The following FMN2 variants were observed in gnomAD, a reference collection of about 807,000 sequenced individuals.
FMN2 encodes the protein formin-2.
In FMN2, 51 loss-of-function variants were observed where a neutral mutation model predicts 142.3. The ratio of observed to expected loss-of-function variants is 0.36; its 90% CI spans 0.29 to 0.45. The LOEUF (loss-of-function observed/expected upper bound fraction) is 0.45, where lower values mean the gene tolerates loss of function less well. Ranked by LOEUF, FMN2 falls within the 20% of genes least tolerant of loss-of-function variation. The pLI is 1.00. For missense variants in FMN2, 1,936 were observed against 2,122.8 expected (o/e 0.91, Z 1.73); for synonymous variants, 882 against 869.8 (o/e 1.01, Z -0.25).
intron 2 of FMN2, among the ~76,000 whole-genome samples, chr1:240,148,031 T>TTACA (rs1160054495): frequency 6.6e-5 from 10 of 152,192 alleles, no homozygotes; most frequent in African/African-American, 2.4e-4. Context: ...TTCTCAAGAG[T>TTACA]TACAGCTCTG....
intron 3 of FMN2, chr1:240,180,111 A>G: frequency 8.7e-7 from 1 of 1,144,126 alleles, no homozygotes; most frequent in Admixed American, 2.5e-5. Context: ...GCAAAATGCT[A>G]GAGCAAGTGA....
At chr1:240,269,526 G>T (rs563614597) in intron 7 of FMN2, among the ~76,000 whole-genome samples, 11 of 151,488 alleles carry the variant, frequency 7.3e-5, no homozygotes, top group South Asian at 4.2e-4. Context: ...TGGCTATTTG[G>T]TTTTTTTTGT....
intron 2 of FMN2, among the ~76,000 whole-genome samples, chr1:240,132,661 T>A (rs1159367928): frequency 1.3e-5 from 2 of 151,938 alleles, no homozygotes; most frequent in African/African-American, 4.8e-5. Flanking sequence ...TTTGTCAGGG[T>A]CTGTGATGAG....
rs116014468 is a variant in FMN2, at chr1:240,335,588, C to G, written c.4765+1359C>G. 5.0e-3 allele frequency among the ~76,000 whole-genome samples: 754 copies of G among 152,132 alleles called. 5 individuals are homozygous for G. The highest frequency in any genetic ancestry group is 0.017 in the African/African-American group (712 of 41,498). ...ATACTTCCCACTTCAATCAATAGTT[C>G]AGTCTTGTAAAGTAGGATTTCATAG... On this transcript the variant is annotated intron_variant, in intron 13 of 17. Coordinates refer to ENST00000319653, the MANE Select transcript of FMN2 (RefSeq NM_020066.5).
chr1:240,445,251 A>G (rs535772433), intron 16 of FMN2, among the ~76,000 whole-genome samples: 1 of 152,368 alleles, frequency 6.6e-6, no homozygotes, highest in East Asian at 1.9e-4. Flanking sequence ...ATGCCAGGCA[A>G]CATTCCTGGC....
In FMN2 at chr1:240,208,740, G is replaced by C; in HGVS notation, c.3920+8G>C. The C allele has an allele frequency of 6.2e-7, 1 of 1,600,116 alleles. No homozygotes were observed. The highest frequency in any genetic ancestry group is 8.6e-7 in the Non-Finnish European group (1 of 1,169,584). On this transcript the variant is annotated splice_region_variant and intron_variant, in intron 5 of 17. Coordinates refer to ENST00000319653, the MANE Select transcript of FMN2 (RefSeq NM_020066.5). The stretch of plus-strand genomic sequence containing the variant: ...TCAACTACATAGTAAAAGGTAACAT[G>C]AAAGTGAGCTCGTCTTTGCACAGTG...
intron 14 of FMN2, among the ~76,000 whole-genome samples, chr1:240,367,405 A>T (rs1672707959): frequency 6.6e-6 from 1 of 152,178 alleles, no homozygotes; most frequent in African/African-American, 2.4e-5. Flanking sequence ...TATTGATTTT[A>T]AAAGTTCTTT....
chr1:240,216,394 A>G (rs926995616), intron 6 of FMN2, among the ~76,000 whole-genome samples: 2 of 152,230 alleles, frequency 1.3e-5, no homozygotes, highest in Non-Finnish European at 2.9e-5. Flanking sequence ...TTTAAAAAGT[A>G]CATAACTTGA....
chr1:240,402,012 T>A lies in FMN2; in HGVS notation c.4910+9450T>A, dbSNP rs116745889. ...TTGTTCTTTGCAAAGCTTCTTCAAGTGTGGCTCCTAAGAGGCCTTTCTTGA... is the reference window on the plus strand; with the variant it reads ...TTGTTCTTTGCAAAGCTTCTTCAAGAGTGGCTCCTAAGAGGCCTTTCTTGA... On this transcript the variant is annotated intron_variant, in intron 15 of 17. Transcript: ENST00000319653. Among the ~76,000 whole-genome samples, 1,103 of 152,338 alleles carry A rather than the reference T, an allele frequency of 7.2e-3. 15 individuals are homozygous for A. The highest frequency in any genetic ancestry group is 0.026 in the African/African-American group (1,063 of 41,582).
chr1:240,363,061 T>C (rs1672546780), intron 14 of FMN2, among the ~76,000 whole-genome samples: 1 of 152,230 alleles, frequency 6.6e-6, no homozygotes, highest in Admixed American at 6.5e-5. Context: ...GTAGTATTGG[T>C]AATGCTATAC....
At chr1:240,406,357 G>T (rs2103118235) in intron 15 of FMN2, among the ~76,000 whole-genome samples, 1 of 147,532 alleles carries the variant, frequency 6.8e-6, no homozygotes, top group African/African-American at 2.5e-5. Flanking sequence ...CGGGAGTGGG[G>T]GGAGCGAAGG....
At chr1:240,209,406 A>G (rs553241852) in intron 5 of FMN2, among the ~76,000 whole-genome samples, 3 of 150,578 alleles carry the variant, frequency 2.0e-5, no homozygotes, top group Non-Finnish European at 3.0e-5. Context: ...GCCCGCCACC[A>G]CGCCCGGTTA....
intron 8 of FMN2, among the ~76,000 whole-genome samples, chr1:240,296,092 T>C (rs1669966862): frequency 6.6e-6 from 1 of 152,130 alleles, no homozygotes; most frequent in African/African-American, 2.4e-5. Flanking sequence ...ACATAGCTAG[T>C]GTTGTGATAT....
intron 1 of FMN2, among the ~76,000 whole-genome samples, chr1:240,117,411 C>T (rs572409694): frequency 6.6e-6 from 1 of 152,174 alleles, no homozygotes; most frequent in African/African-American, 2.4e-5. Flanking sequence ...TTACAATGTT[C>T]AGTTGTTCAG....
At chr1:240,384,725 A>G (rs1673356977) in intron 14 of FMN2, among the ~76,000 whole-genome samples, 2 of 152,198 alleles carry the variant, frequency 1.3e-5, no homozygotes, top group South Asian at 4.1e-4. Flanking sequence ...GTCAGACTCC[A>G]TGAGTTGGAA....
At chr1:240,411,882 G>A (rs189541235) in intron 15 of FMN2, among the ~76,000 whole-genome samples, 78 of 152,278 alleles carry the variant, frequency 5.1e-4, no homozygotes, top group African/African-American at 1.2e-3. Flanking sequence ...TAAGCCAGCC[G>A]TGTAGAAATG....
chr1:240,165,761 A>G (rs1664456522), intron 2 of FMN2, among the ~76,000 whole-genome samples: 1 of 152,030 alleles, frequency 6.6e-6, no homozygotes, highest in Non-Finnish European at 1.5e-5. Context: ...GTATGTTCAA[A>G]GATTTAGATG....
At chr1:240,185,113 T>C (rs1260017694) in intron 3 of FMN2, among the ~76,000 whole-genome samples, 25 of 130,098 alleles carry the variant, frequency 1.9e-4, no homozygotes, top group African/African-American at 4.4e-4. Flanking sequence ...CTCCCTCCTA[T>C]ACCTTCCCCC....
chr1:240,382,553 CAGG>C (rs1487316701), intron 14 of FMN2, among the ~76,000 whole-genome samples: 2 of 151,904 alleles, frequency 1.3e-5, no homozygotes, highest in Non-Finnish European at 2.9e-5. Flanking sequence ...CTAAGCTACT[CAGG>C]AGGCCGAGGC....
Sources: allele counts gnomAD v4.1 joint callset (sites outside exome capture counted in the v4.1 genomes callset), GRCh38; gene constraint gnomAD v4.1.1; transcripts MANE v1.5; gene names NCBI Gene and HGNC (gene_info 2026-07-23, HGNC 2026-07-21).